The following PPIL3 variants were observed in gnomAD, a reference collection of about 807,000 sequenced individuals.
The protein encoded by PPIL3 is peptidyl-prolyl cis-trans isomerase-like 3.
Under a neutral mutation model 20.9 loss-of-function variants are expected in PPIL3, and 13 were observed. The observed-to-expected ratio is 0.62, with a 90% confidence interval of 0.40 to 0.99. PPIL3 has a LOEUF of 0.99. PPIL3 is among the 50% of genes least tolerant of loss of function. The pLI is 0.00. For synonymous variants in PPIL3, 71 were observed against 64.4 expected (o/e 1.10, Z -0.49); for missense variants, 170 against 195.2 (o/e 0.87, Z 0.77).
At chr2:200,882,538 A>G in intron 3 of PPIL3, 103 bp from the exon 4 acceptor site, 1 of 764,086 alleles carries the variant, frequency 1.3e-6, no homozygotes, top group Non-Finnish European at 2.3e-6. Context: ...TATTTAAACT[A>G]TGACTGTTGT....
chr2:200,876,833 C>T, intron 6 of PPIL3, 86 bp downstream of exon 6: 1 of 1,063,854 alleles, frequency 9.4e-7, no homozygotes, highest in Non-Finnish European at 1.5e-6. Flanking sequence ...TCACTCTTTT[C>T]AATATTAGTT....
intron 2 of PPIL3, 71 bp from the exon 3 acceptor site, chr2:200,885,843 G>A: frequency 9.0e-6 from 8 of 888,294 alleles, no homozygotes; most frequent in Non-Finnish European, 1.2e-5. Flanking sequence ...TTATTTCCCT[G>A]TGTGGATATT....
rs1309626596 is a variant in PPIL3, at chr2:200,883,154, A to G, written c.79-719T>C. Among the ~76,000 whole-genome samples, 7 of 112,594 alleles carry G rather than the reference A, an allele frequency of 6.2e-5. No individual in the cohort carries two copies. The Admixed American group carries it at 9.1e-4, about 15-fold the overall frequency. 73.9% of individuals were successfully genotyped at this position (112,594 alleles called of 152,430 possible). ...TTTTTTGTAGAGACAGTGTCTCCCT[A>G]TGTTGCCCAGGCTGGTCTTGAACTC... is the stretch of plus-strand genomic sequence containing the variant. On this transcript the variant is annotated intron_variant, in intron 3 of 6. Coordinates refer to ENST00000392283, the MANE Select transcript of PPIL3 (RefSeq NM_130906.3).
At position 200,876,145 on chromosome 2, in the gene PPIL3, T is replaced by G. The variant is rs1457991730; in HGVS notation, c.359+774A>C. On this transcript the variant is annotated intron_variant, in intron 6 of 6. Coordinates refer to ENST00000392283, the MANE Select transcript of PPIL3 (RefSeq NM_130906.3). The stretch of plus-strand genomic sequence containing the variant: ...TCTAAAAAAAAAGTGTTTTTTTTGT[T>G]TTTTTTTTTTTTAAAGTAGCTGCGC... 6.0e-5 allele frequency among the ~76,000 whole-genome samples: 8 copies of G among 133,924 alleles called. 1 individual carries two copies. In the South Asian group the frequency reaches 1.3e-3, roughly 21 times the overall value. 87.9% of individuals were successfully genotyped at this position (133,924 alleles called of 152,430 possible).
At chr2:200,872,743 T>A (rs2039356095) in intron 6 of PPIL3, among the ~76,000 whole-genome samples, 1 of 152,208 alleles carries the variant, frequency 6.6e-6, no homozygotes, top group Non-Finnish European at 1.5e-5. Flanking sequence ...TATGTATGTC[T>A]TATTACAACA....
At chr2:200,876,517 A>ATTTT (rs1273010531) in intron 6 of PPIL3, among the ~76,000 whole-genome samples, 3 of 130,686 alleles carry the variant, frequency 2.3e-5, no homozygotes, top group African/African-American at 5.6e-5. Flanking sequence ...TTTTCTTTTC[A>ATTTT]TTTTTTTTTT....
chr2:200,886,599 T>A (rs2039945810), intron 2 of PPIL3, among the ~76,000 whole-genome samples: 1 of 152,136 alleles, frequency 6.6e-6, no homozygotes, highest in African/African-American at 2.4e-5. Flanking sequence ...ATAATTTTTG[T>A]ATTTTTAGTA....
intron 1 of PPIL3, among the ~76,000 whole-genome samples, chr2:200,888,051 C>T (rs1487973485): frequency 2.2e-5 from 2 of 92,308 alleles, no homozygotes; most frequent in East Asian, 4.1e-4. Context: ...CGCGAGACTC[C>T]GTCAAAAAAA....
At chr2:200,882,647 C>T (rs565174750) in intron 3 of PPIL3, among the ~76,000 whole-genome samples, 14 of 152,236 alleles carry the variant, frequency 9.2e-5, no homozygotes, top group African/African-American at 3.1e-4. Flanking sequence ...TGGTGGCTAA[C>T]GCCGGTAATC....
intron 2 of PPIL3, among the ~76,000 whole-genome samples, chr2:200,886,487 G>A (rs1483795269): frequency 1.3e-5 from 2 of 151,218 alleles, no homozygotes; most frequent in African/African-American, 4.9e-5. Flanking sequence ...GTGCAGTGGC[G>A]TGATCTCGGC....
chr2:200,887,379 C>CAAAA (rs770510276), intron 2 of PPIL3, among the ~76,000 whole-genome samples: 15 of 50,756 alleles, frequency 3.0e-4, no homozygotes, highest in East Asian at 1.3e-3. Context: ...GAGTGAAACT[C>CAAAA]AAAAAAAAAA....
rs1289951586 is a variant in PPIL3 at position 200,883,112 on chromosome 2, CTTTTTTTTTTTT to C, written c.79-689_79-678del. On this transcript the variant is annotated intron_variant, in intron 3 of 6. Coordinates refer to ENST00000392283, the MANE Select transcript of PPIL3 (RefSeq NM_130906.3). ...CTGAGATTTCTATATCTGGAATGTTCTTTTTTTTTTTTTTTTTTTTTTGTAGAGACAGTGTCT... is the reference window on the plus strand; with the variant it reads ...CTGAGATTTCTATATCTGGAATGTTCTTTTTTTTTTGTAGAGACAGTGTCT... Among the ~76,000 whole-genome samples the C allele has an allele frequency of 7.4e-5, 8 of 108,820 alleles. No individual in the cohort carries two copies. In the Middle Eastern group the frequency reaches 0.036, roughly 492 times the overall value. The allele number at this position is 108,820 out of a possible 152,430, so 71.4% of individuals were successfully genotyped here. A position where few individuals can be genotyped will look rare whatever the true frequency, so the allele number is the denominator to read the frequency against.
intron 5 of PPIL3, among the ~76,000 whole-genome samples, chr2:200,881,215 C>T (rs138351919): frequency 1.8e-3 from 274 of 152,314 alleles, no homozygotes; most frequent in African/African-American, 5.3e-3. Flanking sequence ...TCAAGAGCCA[C>T]GTGGTGGTGG....
At chr2:200,884,157 C>A (rs1206877664) in intron 3 of PPIL3, among the ~76,000 whole-genome samples, 3 of 74,204 alleles carry the variant, frequency 4.0e-5, no homozygotes, top group African/African-American at 1.7e-4. Flanking sequence ...TTGGGCAGCA[C>A]TTTGGGCAGC....
rs765102696 is a variant in PPIL3, at chr2:200,871,562, T to C, written c.360-41A>G. The stretch of plus-strand genomic sequence containing the variant: ...CATAACATATGAAAATTTCCTTAAA[T>C]TGAAACATGATATCCATATCTATGA... On this transcript the variant is annotated intron_variant, in intron 6 of 6. Coordinates refer to ENST00000392283, the MANE Select transcript of PPIL3 (RefSeq NM_130906.3). 6 of 1,557,744 alleles carry C rather than the reference T, an allele frequency of 3.9e-6. No individual in the cohort carries two copies. The South Asian group carries it at 6.9e-5, about 18-fold the overall frequency.
intron 6 of PPIL3, among the ~76,000 whole-genome samples, chr2:200,874,611 G>C (rs984182069): frequency 3.3e-5 from 5 of 152,258 alleles, no homozygotes; most frequent in African/African-American, 1.2e-4. Context: ...CCAGTAAAAT[G>C]AGTCCTGGTA....
At chr2:200,886,791 C>G (rs973757460) in intron 2 of PPIL3, 6 of 152,056 alleles carry the variant, frequency 3.9e-5, no homozygotes, top group African/African-American at 1.4e-4. Context: ...ATTCTCATTG[C>G]CTTTTTCTAC....
intron 3 of PPIL3, among the ~76,000 whole-genome samples, chr2:200,882,841 A>G (rs1372923634): frequency 6.7e-6 from 1 of 150,324 alleles, no homozygotes; most frequent in Non-Finnish European, 1.5e-5. Context: ...CGGAGGTTGC[A>G]GTGAGCCGAG....
upstream of PPIL3, chr2:200,889,152 G>C (rs1036499072): frequency 2.4e-6 from 1 of 417,954 alleles, no homozygotes; most frequent in Admixed American, 2.9e-5. Flanking sequence ...AAACCAAAAC[G>C]ACAATGCAAT....
Sources: allele counts gnomAD v4.1 joint callset (sites outside exome capture counted in the v4.1 genomes callset), GRCh38; gene constraint gnomAD v4.1.1; transcripts MANE v1.5; gene names NCBI Gene and HGNC (gene_info 2026-07-23, HGNC 2026-07-21).